The following OR2C1 variants were observed in gnomAD, a reference collection of about 807,000 sequenced individuals.
OR2C1 encodes olfactory receptor family 2 subfamily C member 1.
For missense variants in OR2C1, 468 were observed against 388.3 expected, an observed-to-expected ratio of 1.21 and a Z score of -1.73; for synonymous variants, 209 against 167.3, an observed-to-expected ratio of 1.25 and a Z score of -1.92.
the OR2C1 span, among the ~76,000 whole-genome samples, chr16:3,340,833 A>T: frequency 6.6e-6 from 1 of 152,118 alleles, no homozygotes; most frequent in Admixed American, 6.6e-5. Flanking sequence ...TTATGTCAGT[A>T]CTTCACAATT....
At chr16:3,334,250 G>A in the OR2C1 span, among the ~76,000 whole-genome samples, 2 of 150,786 alleles carry the variant, frequency 1.3e-5, no homozygotes, top group Non-Finnish European at 3.0e-5. Flanking sequence ...TGATTCTCCC[G>A]CCTCAGCCTC....
chr16:3,334,406 G>A, the OR2C1 span, among the ~76,000 whole-genome samples: 2 of 151,448 alleles, frequency 1.3e-5, no homozygotes, highest in Non-Finnish European at 2.9e-5. Flanking sequence ...AAAGTGCTGG[G>A]ATTACAGACT....
At chr16:3,330,732 C>G in the OR2C1 span, among the ~76,000 whole-genome samples, 3 of 151,718 alleles carry the variant, frequency 2.0e-5, no homozygotes, top group African/African-American at 7.3e-5. Flanking sequence ...TTGAATTATT[C>G]TCTTCTAGCT....
the OR2C1 span, among the ~76,000 whole-genome samples, chr16:3,334,731 T>C: frequency 6.6e-6 from 1 of 151,928 alleles, no homozygotes; most frequent in African/African-American, 2.4e-5. Context: ...TTGGCCTATG[T>C]GTCTGTTTTT....
chr16:3,348,434 G>C, the OR2C1 span, among the ~76,000 whole-genome samples: 16 of 152,264 alleles, frequency 1.1e-4, no homozygotes, highest in Admixed American at 3.3e-4. Flanking sequence ...ATTTGCCCTT[G>C]GAGAAATTAC....
At chr16:3,350,201 G>T in the OR2C1 span, among the ~76,000 whole-genome samples, 3 of 150,682 alleles carry the variant, frequency 2.0e-5, no homozygotes, top group Admixed American at 6.6e-5. Context: ...AATTACAGGC[G>T]CCTGCCACCA....
At chr16:3,325,460 A>ACTATATAT in the OR2C1 span, among the ~76,000 whole-genome samples, 1 of 93,176 alleles carries the variant, frequency 1.1e-5, no homozygotes, top group South Asian at 3.0e-4. Context: ...TATGTCTAAA[A>ACTATATAT]ATATATATAT....
upstream of OR2C1, among the ~76,000 whole-genome samples, chr16:3,352,308 G>A (rs1217010756): frequency 6.6e-6 from 1 of 151,934 alleles, no homozygotes; most frequent in African/African-American, 2.4e-5. Flanking sequence ...GTAGAGACGG[G>A]GTTTCACTTT....
chr16:3,339,085 A>G, the OR2C1 span, among the ~76,000 whole-genome samples: 1 of 152,206 alleles, frequency 6.6e-6, no homozygotes, highest in African/African-American at 2.4e-5. Flanking sequence ...ATTCTGAATA[A>G]TAAACATAAA....
chr16:3,341,818 T>C, the OR2C1 span, among the ~76,000 whole-genome samples: 6 of 152,266 alleles, frequency 3.9e-5, no homozygotes, highest in African/African-American at 1.4e-4. Context: ...GTAGGCGCGA[T>C]TGATTATTAG....
At chr16:3,348,276 G>A in the OR2C1 span, among the ~76,000 whole-genome samples, 1 of 152,186 alleles carries the variant, frequency 6.6e-6, no homozygotes, top group Non-Finnish European at 1.5e-5. Flanking sequence ...GACTTGCAGA[G>A]ACCAATGATG....
the OR2C1 span, among the ~76,000 whole-genome samples, chr16:3,342,750 G>A: frequency 2.6e-5 from 4 of 152,054 alleles, no homozygotes; most frequent in East Asian, 1.9e-4. Context: ...AGTGGCAGGC[G>A]CTTGTAATCC....
the OR2C1 span, among the ~76,000 whole-genome samples, chr16:3,338,196 T>C: frequency 6.6e-6 from 1 of 152,170 alleles, no homozygotes; most frequent in Non-Finnish European, 1.5e-5. Flanking sequence ...GGTGTCTCCT[T>C]TGACTGAGTT....
the OR2C1 span, among the ~76,000 whole-genome samples, chr16:3,325,524 A>G: frequency 1.4e-5 from 2 of 147,128 alleles, no homozygotes; most frequent in Admixed American, 6.8e-5. Context: ...AAATACTGGC[A>G]TGGAGATATG....
chr16:3,336,396 C>G, the OR2C1 span, among the ~76,000 whole-genome samples: 1 of 151,948 alleles, frequency 6.6e-6, no homozygotes, highest in Non-Finnish European at 1.5e-5. Flanking sequence ...GAGTCTCGCT[C>G]TGTTGCTCAG....
chr16:3,333,210 CATTTTTTTTTT>C, the OR2C1 span, among the ~76,000 whole-genome samples: 228 of 33,028 alleles, frequency 6.9e-3, 13 homozygotes, highest in African/African-American at 0.018. Context: ...ATCTTTTGCC[CATTTTTTTTTT>C]TTTTTTTTTT....
the OR2C1 span, among the ~76,000 whole-genome samples, chr16:3,330,016 G>T: frequency 6.6e-6 from 1 of 152,062 alleles, no homozygotes. Flanking sequence ...GCCTCCCAAA[G>T]TGCTGGGATT....
At chr16:3,350,785 G>T in the OR2C1 span, among the ~76,000 whole-genome samples, 27 of 151,786 alleles carry the variant, frequency 1.8e-4, no homozygotes, top group African/African-American at 6.5e-4. Flanking sequence ...CAGGAGAGAA[G>T]CTGGGAAATT....
chr16:3,328,439 G>A, the OR2C1 span, among the ~76,000 whole-genome samples: 4 of 152,274 alleles, frequency 2.6e-5, no homozygotes, highest in East Asian at 7.7e-4. Context: ...AACTTTTTGA[G>A]AATTATGTAC....
Sources: gnomAD v4.1 joint callset for allele counts (sites outside exome capture counted in the v4.1 genomes callset) on GRCh38, gnomAD v4.1.1 for gene constraint, MANE v1.5 for transcripts, NCBI Gene and HGNC (gene_info 2026-07-23, HGNC 2026-07-21) for gene names.